Variants in STPG2 observed in about 807,000 individuals in gnomAD.
The protein encoded by STPG2 is sperm-tail PG-rich repeat-containing protein 2.
STPG2 carries 56 observed loss-of-function variants against 54.2 expected under a neutral mutation model. That is an observed-to-expected ratio of 1.03 (90% CI 0.83 to 1.29). The LOEUF is 1.29. STPG2 is among the 50% of genes most tolerant of loss of function. STPG2 has a pLI of 0.00. For missense variants in STPG2, 596 were observed against 544.9 expected (o/e 1.09, Z -0.93); for synonymous variants, 200 against 181.8 (o/e 1.10, Z -0.81).
chr4:97,927,351 C>G (rs1020934690), intron 8 of STPG2, among the ~76,000 whole-genome samples: 1 of 152,008 alleles, frequency 6.6e-6, no homozygotes, highest in African/African-American at 2.4e-5. Flanking sequence ...TGAGTCGTCA[C>G]TAGCCAATGA....
At chr4:97,964,433 C>G (rs1734012996) in intron 7 of STPG2, among the ~76,000 whole-genome samples, 1 of 151,932 alleles carries the variant, frequency 6.6e-6, no homozygotes, top group Non-Finnish European at 1.5e-5. Context: ...TGTGTAGAAA[C>G]ACAAAACACA....
chr4:97,796,877 C>G (rs187680618), intron 9 of STPG2, among the ~76,000 whole-genome samples: 29 of 152,176 alleles, frequency 1.9e-4, no homozygotes, highest in African/African-American at 6.5e-4. Context: ...TCGTTGAGCA[C>G]TGGTTTGTAG....
chr4:97,592,653 G>C (rs1733175705), intron 10 of STPG2, among the ~76,000 whole-genome samples: 1 of 152,122 alleles, frequency 6.6e-6, no homozygotes, highest in Non-Finnish European at 1.5e-5. Context: ...ACAGTCAACA[G>C]AGGGAAGACA....
rs570552879 is a variant in STPG2 at position 97,960,588 on chromosome 4, CT to C, written c.933+11691del. ...CTAAGAATCAAATCAAGAACTCAAA[CT>C]TTTTACAATAGCTTCAAGAAAAATA... is the stretch of plus-strand genomic sequence containing the variant. On this transcript the variant is annotated intron_variant, in intron 7 of 10. Transcript: ENST00000295268. Among the ~76,000 whole-genome samples, 892 of 152,096 alleles carry C rather than the reference CT, an allele frequency of 5.9e-3. 6 individuals are homozygous for C. Among genetic ancestry groups the C allele is most frequent in the African/African-American group, 0.02 (848 of 41,510 alleles).
At chr4:97,792,999 A>G (rs1260612313) in intron 9 of STPG2, among the ~76,000 whole-genome samples, 1 of 151,978 alleles carries the variant, frequency 6.6e-6, no homozygotes, top group African/African-American at 2.4e-5. Flanking sequence ...CTAATAATAC[A>G]AAAATTAGCC....
intron 8 of STPG2, among the ~76,000 whole-genome samples, chr4:97,850,213 T>C (rs913185087): frequency 6.4e-5 from 8 of 124,828 alleles, no homozygotes; most frequent in African/African-American, 2.2e-4. Flanking sequence ...TAGGTGGGAA[T>C]TGAACAATGA....
At chr4:97,872,828 C>T (rs149325290) in intron 8 of STPG2, among the ~76,000 whole-genome samples, 303 of 151,252 alleles carry the variant, frequency 2.0e-3, no homozygotes, top group African/African-American at 7.0e-3. Flanking sequence ...CAGATATAGT[C>T]AGTTGGGGGC....
chr4:97,904,995 G>C (rs890341522), intron 8 of STPG2, among the ~76,000 whole-genome samples: 1 of 152,100 alleles, frequency 6.6e-6, no homozygotes, highest in African/African-American at 2.4e-5. Flanking sequence ...GTACCTGAAA[G>C]TGACGGGGAG....
intron 3 of STPG2, among the ~76,000 whole-genome samples, chr4:98,124,945 C>A (rs1171597269): frequency 6.6e-6 from 1 of 152,154 alleles, no homozygotes; most frequent in African/African-American, 2.4e-5. Context: ...CTCTGAGATT[C>A]TTTTCTCCAC....
At chr4:97,784,304 T>TA (rs967199750) in intron 9 of STPG2, among the ~76,000 whole-genome samples, 15 of 152,092 alleles carry the variant, frequency 9.9e-5, no homozygotes, top group Admixed American at 3.3e-4. Context: ...TTTCTAAGTG[T>TA]AAAAAATTCT....
At chr4:97,599,272 G>T (rs969732160) in intron 10 of STPG2, among the ~76,000 whole-genome samples, 1 of 152,128 alleles carries the variant, frequency 6.6e-6, no homozygotes, top group Non-Finnish European at 1.5e-5. Flanking sequence ...GCAGAGAAAA[G>T]GCAGTGCTTA....
intron 5 of STPG2, among the ~76,000 whole-genome samples, chr4:98,073,592 T>C (rs1159272003): frequency 2.6e-5 from 4 of 152,066 alleles, no homozygotes; most frequent in South Asian, 2.1e-4. Flanking sequence ...TTGGGCGTGG[T>C]GGCAGGCACC....
intron 4 of STPG2, among the ~76,000 whole-genome samples, chr4:97,486,852 TGTATACAA>T (rs1730376060): frequency 7.6e-6 from 1 of 131,602 alleles, no homozygotes; most frequent in South Asian, 2.3e-4. Flanking sequence ...TATATATGTA[TGTATACAA>T]ACACACACAC....
chr4:97,552,077 A>G (rs191243726), intron 4 of STPG2, among the ~76,000 whole-genome samples: 15 of 152,312 alleles, frequency 9.8e-5, no homozygotes, highest in Admixed American at 9.8e-4. Context: ...AAGTGACCAA[A>G]AAGATAATCT....
intron 5 of STPG2, among the ~76,000 whole-genome samples, chr4:98,059,478 A>G (rs575666711): frequency 6.6e-6 from 1 of 152,200 alleles, no homozygotes; most frequent in African/African-American, 2.4e-5. Flanking sequence ...CAAATTTACA[A>G]AGAAGAGTTG....
intron 8 of STPG2, among the ~76,000 whole-genome samples, chr4:97,895,987 G>A (rs552741388): frequency 1.3e-5 from 2 of 151,884 alleles, no homozygotes; most frequent in South Asian, 4.1e-4. Context: ...AAAGTAAAGA[G>A]GCTTCAGGTG....
chr4:98,067,031 C>T (rs776107555), intron 5 of STPG2, among the ~76,000 whole-genome samples: 1 of 152,010 alleles, frequency 6.6e-6, no homozygotes, highest in Non-Finnish European at 1.5e-5. Context: ...AACAACACAT[C>T]GAGAAAATGT....
chr4:97,690,205 A>AT lies in STPG2; in HGVS notation c.1320+22493dup, dbSNP rs569086831. Among the ~76,000 whole-genome samples the AT allele has an allele frequency of 3.2e-4, 48 of 152,082 alleles. No individual in the cohort carries two copies. The East Asian group carries it at 5.6e-3, about 18-fold the overall frequency. On this transcript the variant is annotated intron_variant, in intron 10 of 10. Coordinates refer to ENST00000295268, the MANE Select transcript of STPG2 (RefSeq NM_174952.3). ...TTTTCTCAGTAAATTAGAGTAATTGATTTTTTTTACATTTTACTGACAACA... is the reference window on the plus strand; with the variant it reads ...TTTTCTCAGTAAATTAGAGTAATTGATTTTTTTTTACATTTTACTGACAACA...
chr4:97,894,644 G>T (rs1459580679), intron 8 of STPG2, among the ~76,000 whole-genome samples: 1 of 151,726 alleles, frequency 6.6e-6, no homozygotes, highest in Non-Finnish European at 1.5e-5. Context: ...TTAATATTGA[G>T]CATATTCAAA....
Sources: allele counts gnomAD v4.1 joint callset (sites outside exome capture counted in the v4.1 genomes callset), GRCh38; gene constraint gnomAD v4.1.1; transcripts MANE v1.5; gene names NCBI Gene and HGNC (gene_info 2026-07-23, HGNC 2026-07-21).